RANBP17: variants seen among roughly 807,000 people sequenced by gnomAD.
RANBP17 encodes the protein ran-binding protein 17.
In RANBP17, 158 loss-of-function variants were observed where a neutral mutation model predicts 141.2. The ratio of observed to expected loss-of-function variants is 1.12; its 90% CI spans 0.98 to 1.28. The LOEUF (loss-of-function observed/expected upper bound fraction) is 1.28. RANBP17 is among the 50% of genes most tolerant of loss of function. RANBP17 has a pLI of 0.00. For synonymous variants in RANBP17, 430 were observed against 450.0 expected (o/e 0.96, Z 0.56); for missense variants, 1,438 against 1,290.7 (o/e 1.11, Z -1.75).
At chr5:171,197,168 T>G (rs1383885081) in intron 18 of RANBP17, among the ~76,000 whole-genome samples, 1 of 152,232 alleles carries the variant, frequency 6.6e-6, no homozygotes. Context: ...TGTATTATTC[T>G]ATGTCAAGTG....
chr5:171,069,411 A>C (rs1313621492), intron 14 of RANBP17, among the ~76,000 whole-genome samples: 1 of 152,218 alleles, frequency 6.6e-6, no homozygotes, highest in Non-Finnish European at 1.5e-5. Flanking sequence ...ACAAGTCTTC[A>C]GCTAGAGTCT....
At chr5:170,931,354 C>T (rs1466181938) in intron 12 of RANBP17, among the ~76,000 whole-genome samples, 2 of 152,152 alleles carry the variant, frequency 1.3e-5, no homozygotes, top group Non-Finnish European at 2.9e-5. Flanking sequence ...TTCTCCCATT[C>T]TGTAGGTTGC....
At chr5:171,066,610 A>T (rs376631497) in intron 14 of RANBP17, among the ~76,000 whole-genome samples, 11 of 152,322 alleles carry the variant, frequency 7.2e-5, no homozygotes, top group African/African-American at 2.6e-4. Context: ...TGTCTGTTCC[A>T]AATAATGCTG....
chr5:171,125,584 G>T (rs956774187), intron 14 of RANBP17, among the ~76,000 whole-genome samples: 1 of 152,096 alleles, frequency 6.6e-6, no homozygotes, highest in Non-Finnish European at 1.5e-5. Flanking sequence ...GGTGTTTAAC[G>T]CTGTGCTTTC....
intron 24 of RANBP17, among the ~76,000 whole-genome samples, 194 bp from the exon 25 acceptor site, chr5:171,265,487 G>T (rs1188970342): frequency 6.6e-6 from 1 of 152,158 alleles, no homozygotes; most frequent in Non-Finnish European, 1.5e-5. Context: ...CCAAGATCAC[G>T]CCATTGCACT....
intron 25 of RANBP17, among the ~76,000 whole-genome samples, chr5:171,271,811 T>G (rs1561818304): frequency 2.0e-5 from 3 of 152,210 alleles, no homozygotes; most frequent in African/African-American, 7.2e-5. Flanking sequence ...ATAACAGAAT[T>G]TTTGCACATG....
chr5:171,147,436 GAC>G (rs1251921125), intron 14 of RANBP17, among the ~76,000 whole-genome samples: 5 of 130,166 alleles, frequency 3.8e-5, no homozygotes, highest in Non-Finnish European at 6.3e-5. Context: ...TTTGTTTTGA[GAC>G]AGAGTCTTGC....
At chr5:170,988,569 T>G (rs895029309) in intron 14 of RANBP17, among the ~76,000 whole-genome samples, 6 of 151,720 alleles carry the variant, frequency 4.0e-5, no homozygotes, top group Admixed American at 1.3e-4. Flanking sequence ...GTAATTTTTT[T>G]TAATAGTCAT....
chr5:171,075,973 A>T (rs1480756324), intron 14 of RANBP17, among the ~76,000 whole-genome samples: 3 of 152,074 alleles, frequency 2.0e-5, no homozygotes, highest in African/African-American at 7.3e-5. Context: ...AATTAAAAAA[A>T]CACACTTTAA....
At chr5:170,920,691 G>T (rs887970993) in intron 11 of RANBP17, among the ~76,000 whole-genome samples, 10 of 152,030 alleles carry the variant, frequency 6.6e-5, no homozygotes, top group Non-Finnish European at 1.0e-4. Flanking sequence ...TACAATGGTT[G>T]AACTAATTTA....
chr5:170,920,498 G>A (rs1294815132), intron 11 of RANBP17, among the ~76,000 whole-genome samples: 2 of 134,778 alleles, frequency 1.5e-5, no homozygotes, highest in Admixed American at 8.2e-5. Context: ...TTTTTAATTG[G>A]GTTGTATATT....
chr5:171,255,870 A>C (rs1765852258), intron 24 of RANBP17, among the ~76,000 whole-genome samples: 1 of 152,190 alleles, frequency 6.6e-6, no homozygotes, highest in African/African-American at 2.4e-5. Flanking sequence ...TTGGAATAAA[A>C]ATTTCTATAA....
intron 14 of RANBP17, among the ~76,000 whole-genome samples, chr5:171,133,237 T>C (rs1363549262): frequency 1.3e-5 from 2 of 152,204 alleles, no homozygotes; most frequent in Non-Finnish European, 2.9e-5. Context: ...TGTGGAGTTA[T>C]GTTTTTTGAA....
intron 25 of RANBP17, among the ~76,000 whole-genome samples, chr5:171,273,427 GA>G (rs1192874533): frequency 6.6e-5 from 10 of 152,140 alleles, no homozygotes; most frequent in Admixed American, 3.3e-4. Flanking sequence ...CCAAGAAGCA[GA>G]AAACCTGAAT....
chr5:171,277,938 CTTTTTTTT>C lies in RANBP17; in HGVS notation c.2943+12115_2943+12122del, dbSNP rs140208253. 1.7e-4 allele frequency among the ~76,000 whole-genome samples: 12 copies of C among 72,266 alleles called. No individual in the cohort carries two copies. The South Asian group carries it at 3.8e-3, about 23-fold the overall frequency. The allele number at this position is 72,266 out of a possible 152,430, so 47.4% of individuals were successfully genotyped here. A position where few individuals can be genotyped will look rare whatever the true frequency, so the allele number is the denominator to read the frequency against. On this transcript the variant is annotated intron_variant, in intron 25 of 27. Transcript: ENST00000523189. ...CAGTCCTTGAGCCTAGGACTTCTTTCTTTTTTTTTTTTTTTTTTTTTTTTTTTTTTTGA... is the reference window on the plus strand; with the variant it reads ...CAGTCCTTGAGCCTAGGACTTCTTTCTTTTTTTTTTTTTTTTTTTTTTTGA...
At chr5:171,263,181 A>G (rs1766443361) in intron 24 of RANBP17, among the ~76,000 whole-genome samples, 1 of 152,224 alleles carries the variant, frequency 6.6e-6, no homozygotes, top group Admixed American at 6.5e-5. Context: ...GATGAATAAG[A>G]TGAATGAGAA....
intron 18 of RANBP17, among the ~76,000 whole-genome samples, chr5:171,186,521 A>ATTTTT (rs1243325206): frequency 1.0e-4 from 3 of 29,508 alleles, no homozygotes; most frequent in East Asian, 1.2e-3. Context: ...CACTGGTATG[A>ATTTTT]TTTTCTTTTT....
chr5:171,040,347 C>T (rs1782175868), intron 14 of RANBP17, among the ~76,000 whole-genome samples: 1 of 152,074 alleles, frequency 6.6e-6, no homozygotes, highest in African/African-American at 2.4e-5. Flanking sequence ...AGAGTCAGAG[C>T]CAGGGACTTT....
Position 171,213,547 on chromosome 5 carries a change from T to TTGTGTGTG in RANBP17, c.2232-80_2232-73dup. The TTGTGTGTG allele has an allele frequency of 3.4e-6, 3 of 892,462 alleles. No individual in the cohort carries two copies. The South Asian group carries it at 4.2e-5, about 13-fold the overall frequency. 55.3% of individuals were successfully genotyped at this position (892,462 alleles called of 1,614,324 possible). ...ATATAGAACAAATGTGGATTCCCTT[T>TTGTGTGTG]TGTGTGTGTGTATGTGTGTGGCACT... On this transcript the variant is annotated intron_variant, in intron 20 of 27. Transcript: ENST00000523189.
Sources: gnomAD v4.1 joint callset for allele counts (sites outside exome capture counted in the v4.1 genomes callset) on GRCh38, gnomAD v4.1.1 for gene constraint, MANE v1.5 for transcripts, NCBI Gene and HGNC (gene_info 2026-07-23, HGNC 2026-07-21) for gene names.